TP53I11: variants seen among roughly 807,000 people sequenced by gnomAD.
TP53I11 encodes tumor protein p53-inducible protein 11.
TP53I11 carries 9 observed loss-of-function variants against 23.3 expected under a neutral mutation model. The ratio of observed to expected loss-of-function variants is 0.39; its 90% CI spans 0.23 to 0.67. TP53I11 has a LOEUF of 0.67. Among genes scored for constraint, TP53I11 ranks in the 30% least tolerant of loss-of-function variants. TP53I11 has a pLI of 0.48. For missense variants in TP53I11, 170 were observed against 255.2 expected (o/e 0.67, Z 2.27); for synonymous variants, 100 against 106.1 (o/e 0.94, Z 0.35).
At chr11:44,937,990 G>T (rs1486258853) in intron 2 of TP53I11, among the ~76,000 whole-genome samples, 1 of 152,178 alleles carries the variant, frequency 6.6e-6, no homozygotes, top group Admixed American at 6.5e-5. Context: ...GTGCCAACAA[G>T]AAGATTTAAA....
chr11:44,942,439 CACACACACACACACACACACACAT>C (rs1376863225), intron 1 of TP53I11, among the ~76,000 whole-genome samples: 13 of 108,392 alleles, frequency 1.2e-4, no homozygotes, highest in African/African-American at 4.3e-4. Context: ...TACACACACA[CACACACACACACACACACACACAT>C]ACACACACAG....
intron 1 of TP53I11, chr11:44,947,362 T>G: frequency 3.0e-6 from 1 of 334,560 alleles, no homozygotes; most frequent in South Asian, 2.3e-5. Flanking sequence ...GGGCTAGGGG[T>G]CTGGTGAGAA....
rs967610185 is a variant in TP53I11 at position 44,935,490 on chromosome 11, G to C, written c.436+71C>G. On this transcript the variant is annotated intron_variant, in intron 6 of 6. Transcript: ENST00000525680. ...GTTTTCATCACTTCCCACACACCCA[G>C]GTGGCTAGAGCAGGCAGGTCAGGGG... 6.3e-5 allele frequency: 89 copies of C among 1,402,244 alleles called. No individual in the cohort carries two copies. In the African/African-American group the frequency reaches 1.2e-3, roughly 19 times the overall value. 86.9% of individuals were successfully genotyped at this position (1,402,244 alleles called of 1,614,324 possible). A position where few individuals can be genotyped will look rare whatever the true frequency, so the allele number is the denominator to read the frequency against.
chr11:44,942,699 G>A (rs1454706289), intron 1 of TP53I11, among the ~76,000 whole-genome samples: 1 of 152,194 alleles, frequency 6.6e-6, no homozygotes, highest in Non-Finnish European at 1.5e-5. Flanking sequence ...CTAGCAGGGA[G>A]GGCATCACTC....
Position 44,935,669 on chromosome 11 carries a change from CG to C in TP53I11, c.335-8del. The C allele has an allele frequency of 6.6e-6, 3 of 457,000 alleles. No homozygotes were observed. The highest frequency in any genetic ancestry group is 1.2e-5 in the Non-Finnish European group (3 of 246,656). 28.3% of individuals were successfully genotyped at this position (457,000 alleles called of 1,614,324 possible). A position where few individuals can be genotyped will look rare whatever the true frequency, so the allele number is the denominator to read the frequency against. On this transcript the variant is annotated splice_region_variant and splice_polypyrimidine_tract_variant and intron_variant, in intron 5 of 6. Coordinates refer to ENST00000525680, the MANE Select transcript of TP53I11 (RefSeq NM_006034.5). ...CACATGATCAGGGAGATGCCTGGGG[CG>C]GGGGATGAAAAGGGGGCTGGGGGTG...
rs775817256 is a variant in TP53I11, at chr11:44,935,655, G to T, written c.342C>A (p.Ser114=). The part of the protein sequence containing the change: ...RLYGGALLSI[S]LIMWNALYTA... ...TGTAGAGAGCGTTCCACATGATCAG[G>T]GAGATGCCTGGGGCGGGGGATGAAA... Residue 114 remains serine (S), a synonymous_variant, in exon 6 of 7, where the codon TCC becomes TCA. Transcript: ENST00000525680. The T allele has an allele frequency of 1.9e-6, 3 of 1,612,416 alleles. No individual in the cohort carries two copies. In the South Asian group the frequency reaches 3.3e-5, roughly 18 times the overall value.
chr11:44,934,896 G>A lies in TP53I11; in HGVS notation c.558C>T (p.Pro186=). The A allele has an allele frequency of 6.2e-7, 1 of 1,614,102 alleles. No individual in the cohort carries two copies. The highest frequency in any genetic ancestry group is 2.2e-5 in the East Asian group (1 of 44,882). Residue 186 remains proline (P), a synonymous_variant, in exon 7 of 7, where the codon CCC becomes CCT. Transcript: ENST00000525680. ...GCCCAGCGGGCAACTAGGCCTTCTT[G>A]GGTCTTCGGCCGACTTGGTAATAGT... is the stretch of plus-strand genomic sequence containing the variant. ...IYYYYQVGRR[P]KKA
intron 1 of TP53I11, among the ~76,000 whole-genome samples, chr11:44,942,347 A>C (rs1043619167): frequency 4.3e-5 from 6 of 139,124 alleles, no homozygotes; most frequent in East Asian, 4.3e-4. Flanking sequence ...ACACACACAC[A>C]CCCCCACAAC....
Position 44,949,443 on chromosome 11 carries a change from G to A in TP53I11, c.-32+1234C>T, listed in dbSNP as rs372788387. Among the ~76,000 whole-genome samples the A allele has an allele frequency of 3.7e-3, 556 of 152,326 alleles. 6 individuals carry two copies. Among genetic ancestry groups the A allele is most frequent in the African/African-American group, 0.013 (536 of 41,580 alleles). ...GAAGTGCAGGGTAGTGGGGCGGTGAGGGGGCCTTGGCCAGCCGCTCTGGGC... is the reference window on the plus strand; with the variant it reads ...GAAGTGCAGGGTAGTGGGGCGGTGAAGGGGCCTTGGCCAGCCGCTCTGGGC... On this transcript the variant is annotated intron_variant, in intron 1 of 6. Transcript: ENST00000525680.
Position 44,938,289 on chromosome 11 carries a change from G to A in TP53I11, c.47C>T (p.Thr16Met). Residue 16 changes from threonine to methionine, a missense_variant, in exon 2 of 7, where the codon ACG (threonine) becomes ATG (methionine). Thr to Met is a moderately conservative substitution (Grantham distance 81). Transcript: ENST00000525680. ...PPPLMKKHSQTDLVSRLKTRK... is the reference protein window; with the variant it reads ...PPPLMKKHSQMDLVSRLKTRK... Reference sequence around the variant, plus strand: ...GGTCTTCAGGCGGCTCACGAGGTCCGTCTGGCTGTGCTTCTTCATCAGAGG... The same window carrying A: ...GGTCTTCAGGCGGCTCACGAGGTCCATCTGGCTGTGCTTCTTCATCAGAGG... 3.7e-6 allele frequency: 6 copies of A among 1,612,430 alleles called. No homozygotes were observed. Among genetic ancestry groups the A allele is most frequent in the Non-Finnish European group, 5.1e-6 (6 of 1,179,424 alleles).
intron 5 of TP53I11, 163 bp from the exon 6 acceptor site, chr11:44,935,825 G>A: frequency 1.6e-6 from 1 of 623,202 alleles, no homozygotes; most frequent in Non-Finnish European, 2.9e-6. Context: ...AAAGCTGTCT[G>A]TCCCCGATCC....
intron 1 of TP53I11, among the ~76,000 whole-genome samples, chr11:44,946,487 G>A (rs549578973): frequency 6.6e-6 from 1 of 152,372 alleles, no homozygotes; most frequent in African/African-American, 2.4e-5. Flanking sequence ...GCTGCAAAGA[G>A]TGAGGACAGA....
At position 44,936,756 on chromosome 11, in the gene TP53I11, C is replaced by A; in HGVS notation, c.334+47G>T. ...TGCTCTCCTCAGCCCCGCTGGGTCT[C>A]CCAGCTGCCCGTCGCCTCCCCCAGG... On this transcript the variant is annotated intron_variant, in intron 5 of 6. Coordinates refer to ENST00000525680, the MANE Select transcript of TP53I11 (RefSeq NM_006034.5). The surrounding 1 kb of genome is among the most constrained non-coding windows in gnomAD (Gnocchi z 4.4). 3.4e-6 allele frequency: 5 copies of A among 1,471,820 alleles called. No homozygotes were observed. Among genetic ancestry groups the A allele is most frequent in the Non-Finnish European group, 4.5e-6 (5 of 1,110,670 alleles). The allele number at this position is 1,471,820 out of a possible 1,614,324, so 91.2% of individuals were successfully genotyped here. A position where few individuals can be genotyped will look rare whatever the true frequency, so the allele number is the denominator to read the frequency against.
At position 44,935,063 on chromosome 11, in the gene TP53I11, G is replaced by A. The variant is rs367873541; in HGVS notation, c.437-46C>T. The A allele has an allele frequency of 1.9e-5, 31 of 1,609,196 alleles. 1 individual carries two copies. The African/African-American group carries it at 3.7e-4, about 19-fold the overall frequency. On this transcript the variant is annotated intron_variant, in intron 6 of 6. Transcript: ENST00000525680. ...AGGCCACAGGGTCAGAGGAGGGGAT[G>A]TGTCCCAGCGCTGCCCCCCTAGCCC...
rs1048898777 is a variant in TP53I11, at chr11:44,936,442, C to T, written c.334+361G>A. The T allele has an allele frequency of 8.9e-6, 11 of 1,232,276 alleles. No homozygotes were observed. The African/African-American group carries it at 1.4e-4, about 16-fold the overall frequency. 76.3% of individuals were successfully genotyped at this position (1,232,276 alleles called of 1,614,324 possible). A position where few individuals can be genotyped will look rare whatever the true frequency, so the allele number is the denominator to read the frequency against. ...CTCTGGGGATAAAATAGGGGGGGTG[C>T]GAGGGGTTTTGCAGACACTGAATTG... On this transcript the variant is annotated intron_variant, in intron 5 of 6. Coordinates refer to ENST00000525680, the MANE Select transcript of TP53I11 (RefSeq NM_006034.5). This position sits in a 1 kb window ranked among gnomAD's most constrained non-coding sequence, Gnocchi z 4.4.
intron 1 of TP53I11, among the ~76,000 whole-genome samples, chr11:44,948,085 G>A (rs576003393): frequency 3.9e-5 from 6 of 152,264 alleles, no homozygotes; most frequent in South Asian, 2.1e-4. Context: ...GCAGGAGGAC[G>A]ATGCTGCGCT....
Position 44,934,941 on chromosome 11 carries a change from A to G in TP53I11, c.513T>C (p.Phe171=), listed in dbSNP as rs1311686684. The change falls in exon 7 of 7, where the codon TTT becomes TTC. Residue 171 remains phenylalanine, a synonymous_variant. Transcript: ENST00000525680. ...AATAGTAGTAAATGCTGATGACGAC[A>G]AAAAGGAGGCGGCTGACCAGGAGCA... The part of the protein sequence containing the change: ...ILLLLVSRLL[F]VVISIYYYYQ... 8 of 1,614,146 alleles carry G rather than the reference A, an allele frequency of 5.0e-6. No individual in the cohort carries two copies. In the East Asian group the frequency reaches 1.6e-4, roughly 31 times the overall value.
intron 1 of TP53I11, among the ~76,000 whole-genome samples, chr11:44,942,221 C>CCA (rs1174422557): frequency 6.9e-6 from 1 of 144,980 alleles, no homozygotes; most frequent in African/African-American, 2.6e-5. Context: ...CACACACCCA[C>CCA]CACACACCTA....
chr11:44,948,659 C>G (rs1006075307), intron 1 of TP53I11, among the ~76,000 whole-genome samples: 1 of 152,126 alleles, frequency 6.6e-6, no homozygotes, highest in Non-Finnish European at 1.5e-5. Flanking sequence ...CTCCCCAGTG[C>G]CTGAAACTGT....
Sources: gnomAD v4.1 joint callset for allele counts (sites outside exome capture counted in the v4.1 genomes callset) on GRCh38, gnomAD v4.1.1 for gene constraint, Gnocchi (gnomAD v3.1) non-coding constraint, MANE v1.5 for transcripts, NCBI Gene and HGNC (gene_info 2026-07-23, HGNC 2026-07-21) for gene names.